SUMF1: variants seen among roughly 807,000 people sequenced by gnomAD.
SUMF1 encodes the protein formylglycine-generating enzyme.
In SUMF1, 48 loss-of-function variants were observed where a neutral mutation model predicts 47.6. That is an observed-to-expected ratio of 1.01 (90% CI 0.80 to 1.28). The LOEUF (loss-of-function observed/expected upper bound fraction) is 1.28. Among genes scored for constraint, SUMF1 ranks in the 50% most tolerant of loss-of-function variants. The probability of loss-of-function intolerance (pLI) is 0.00; values close to 1 mark genes in which losing one functional copy is unlikely to be tolerated. For missense variants in SUMF1, 571 were observed against 485.4 expected (o/e 1.18, Z -1.66); for synonymous variants, 230 against 192.1 (o/e 1.20, Z -1.63).
In SUMF1 at chr3:4,266,985, T is replaced by C. The variant is rs546700940; in HGVS notation, c.1014+109345A>G. 5.9e-3 allele frequency among the ~76,000 whole-genome samples: 901 copies of C among 152,262 alleles called. 8 individuals are homozygous for C. The highest frequency in any genetic ancestry group is 0.021 in the African/African-American group (861 of 41,550). ...TTTTCTGCATCTGTTGAGATAATCATGTGGTTTTTGTCTTTGGTTCTGTTT... is the reference window on the plus strand; with the variant it reads ...TTTTCTGCATCTGTTGAGATAATCACGTGGTTTTTGTCTTTGGTTCTGTTT... On this transcript the variant is annotated intron_variant and NMD_transcript_variant, in intron 8 of 12. Transcript: ENST00000448413.
chr3:4,103,077 C>T (rs914717318), intron 8 of SUMF1, among the ~76,000 whole-genome samples: 3 of 151,576 alleles, frequency 2.0e-5, no homozygotes, highest in African/African-American at 7.3e-5. Flanking sequence ...TGCCTGCCAC[C>T]ACATCTGGCT....
At chr3:4,197,909 C>G (rs901125523) in intron 8 of SUMF1, among the ~76,000 whole-genome samples, 1 of 152,010 alleles carries the variant, frequency 6.6e-6, no homozygotes, top group Non-Finnish European at 1.5e-5. Flanking sequence ...GCATATGGCT[C>G]TGAAAATATC....
chr3:4,231,446 C>G (rs1696297440), intron 8 of SUMF1, among the ~76,000 whole-genome samples: 1 of 152,138 alleles, frequency 6.6e-6, no homozygotes, highest in Admixed American at 6.6e-5. Context: ...AAGCATGCTA[C>G]TAATACATTA....
At chr3:4,222,052 A>G (rs539899832) in intron 8 of SUMF1, among the ~76,000 whole-genome samples, 10 of 152,096 alleles carry the variant, frequency 6.6e-5, no homozygotes, top group Non-Finnish European at 1.5e-4. Context: ...TCATATTGCT[A>G]AAAACAAAAG....
At chr3:4,390,679 C>T (rs1700832129) in intron 7 of SUMF1, among the ~76,000 whole-genome samples, 1 of 152,106 alleles carries the variant, frequency 6.6e-6, no homozygotes, top group Non-Finnish European at 1.5e-5. Flanking sequence ...ACTTCCTGGG[C>T]CCAGGGGATC....
chr3:4,413,680 G>A (rs947681440), intron 6 of SUMF1, among the ~76,000 whole-genome samples: 1 of 151,776 alleles, frequency 6.6e-6, no homozygotes, highest in Admixed American at 6.6e-5. Context: ...AAGCAGAATG[G>A]CAAAATGTAA....
At chr3:4,109,566 C>G (rs1693243579) in intron 8 of SUMF1, among the ~76,000 whole-genome samples, 1 of 152,140 alleles carries the variant, frequency 6.6e-6, no homozygotes, top group Non-Finnish European at 1.5e-5. Flanking sequence ...GTACACCAAT[C>G]AGACGTAGAT....
In SUMF1 at chr3:4,302,760, G is replaced by A. The variant is rs181952505; in HGVS notation, c.1014+73570C>T. Among the ~76,000 whole-genome samples, 60 of 152,220 alleles carry A rather than the reference G, an allele frequency of 3.9e-4. 1 individual carries two copies. The highest frequency in any genetic ancestry group is 1.3e-3 in the African/African-American group (56 of 41,540). On this transcript the variant is annotated intron_variant and NMD_transcript_variant, in intron 8 of 12. Transcript: ENST00000448413. ...TCAGTGAGGTTGAAAATGCTCCACC[G>A]GATTCAGCAGTCTTGAGGCTATCAG...
intron 8 of SUMF1, among the ~76,000 whole-genome samples, chr3:4,177,158 G>C (rs1029308801): frequency 7.9e-5 from 12 of 152,098 alleles, no homozygotes; most frequent in Admixed American, 3.9e-4. Context: ...AGGATACCCA[G>C]GACCTCAACT....
intron 7 of SUMF1, among the ~76,000 whole-genome samples, chr3:4,396,165 C>T (rs917744618): frequency 3.3e-5 from 5 of 152,184 alleles, no homozygotes; most frequent in Admixed American, 6.5e-5. Flanking sequence ...CCCAAGGTCA[C>T]GCAGCTAGAA....
At chr3:4,353,534 G>A (rs1477768333) in intron 8 of SUMF1, among the ~76,000 whole-genome samples, 2 of 152,174 alleles carry the variant, frequency 1.3e-5, no homozygotes, top group Non-Finnish European at 2.9e-5. Context: ...TTACAGGCGT[G>A]AGTCACTGCG....
chr3:4,062,845 A>G (rs1695298450), intron 9 of SUMF1, among the ~76,000 whole-genome samples: 1 of 152,126 alleles, frequency 6.6e-6, no homozygotes, highest in Admixed American at 6.6e-5. Flanking sequence ...GAAACCTGCA[A>G]CCAGATGCCT....
intron 3 of SUMF1, among the ~76,000 whole-genome samples, chr3:4,420,614 T>G (rs951685839): frequency 3.8e-4 from 58 of 152,076 alleles, no homozygotes; most frequent in African/African-American, 1.4e-3. Flanking sequence ...GCCAGGATGG[T>G]CTCGATCTCC....
chr3:4,204,660 C>A (rs1014555830), intron 8 of SUMF1, among the ~76,000 whole-genome samples: 5 of 151,986 alleles, frequency 3.3e-5, no homozygotes, highest in African/African-American at 4.8e-5. Flanking sequence ...AGGCATGCTT[C>A]ATGCCTTTTC....
chr3:4,121,247 T>C (rs1559487818), intron 8 of SUMF1, among the ~76,000 whole-genome samples: 1 of 152,124 alleles, frequency 6.6e-6, no homozygotes, highest in African/African-American at 2.4e-5. Context: ...AAGAACATAA[T>C]TTTTAACAAT....
At chr3:4,383,130 G>A (rs1481839338) in intron 7 of SUMF1, among the ~76,000 whole-genome samples, 1 of 151,974 alleles carries the variant, frequency 6.6e-6, no homozygotes, top group African/African-American at 2.4e-5. Flanking sequence ...TATAATCCCA[G>A]CACTTTGGGA....
intron 8 of SUMF1, among the ~76,000 whole-genome samples, chr3:4,151,427 ACATG>A (rs1694325759): frequency 1.9e-5 from 1 of 51,760 alleles, no homozygotes; most frequent in Non-Finnish European, 4.4e-5. Context: ...ATATGTGTAT[ACATG>A]TGTATATATG....
chr3:4,059,900 T>C (rs1379657895), intron 9 of SUMF1, among the ~76,000 whole-genome samples: 2 of 151,598 alleles, frequency 1.3e-5, no homozygotes, highest in Non-Finnish European at 2.9e-5. Context: ...AAAATATTCC[T>C]GGAACAGGGG....
chr3:4,177,111 T>A (rs1694983405), intron 8 of SUMF1, among the ~76,000 whole-genome samples: 1 of 152,116 alleles, frequency 6.6e-6, no homozygotes, highest in Admixed American at 6.6e-5. Context: ...TACCCCACTG[T>A]CAATATTAGA....
Sources: gnomAD v4.1 joint callset for allele counts (sites outside exome capture counted in the v4.1 genomes callset) on GRCh38, gnomAD v4.1.1 for gene constraint, MANE v1.5 for transcripts, NCBI Gene and HGNC (gene_info 2026-07-23, HGNC 2026-07-21) for gene names.